PRDM2: variants seen among roughly 807,000 people sequenced by gnomAD.
PRDM2 encodes the protein PR/SET domain 2.
In PRDM2, 30 loss-of-function variants were observed where a neutral mutation model predicts 130.0. The observed-to-expected ratio is 0.23, with a 90% CI of 0.17 to 0.31. The LOEUF (loss-of-function observed/expected upper bound fraction) is 0.31. Ranked by LOEUF, PRDM2 falls within the 10% of genes least tolerant of loss-of-function variation. The pLI, the probability that PRDM2 is intolerant of heterozygous loss-of-function variation, is 1.00. For synonymous variants in PRDM2, 871 were observed against 782.4 expected (o/e 1.11, Z -1.89); for missense variants, 2,011 against 2,108.4 (o/e 0.95, Z 0.90).
intron 8 of PRDM2, 133 bp downstream of exon 8, chr1:13,782,964 A>C: frequency 6.6e-7 from 1 of 1,526,624 alleles, no homozygotes; most frequent in Non-Finnish European, 8.8e-7. Context: ...GTATAAGTTA[A>C]AGGCATGAAG....
At position 13,824,938 on chromosome 1, in the gene PRDM2, A is replaced by G. The variant is rs947307417; in HGVS notation, c.*1803A>G. 1 of 152,656 alleles carries G rather than the reference A, an allele frequency of 6.6e-6. No individual in the cohort carries two copies. The highest frequency in any genetic ancestry group is 2.4e-5 in the African/African-American group (1 of 41,458). The allele number at this position is 152,656 out of a possible 1,614,324, so 9.5% of individuals were successfully genotyped here. A position where few individuals can be genotyped will look rare whatever the true frequency, so the allele number is the denominator to read the frequency against. Reference sequence around the variant, plus strand: ...TTCAACGCTCCCAGACGGTCAGGAAAACTGTTCCAATCATGAAAAGGGGGG... The same window carrying G: ...TTCAACGCTCCCAGACGGTCAGGAAGACTGTTCCAATCATGAAAAGGGGGG... On this transcript the variant is annotated 3_prime_UTR_variant, in exon 10 of 10. Transcript: ENST00000311066.
chr1:13,772,035 C>T (rs1644371382), intron 6 of PRDM2: 1 of 152,076 alleles, frequency 6.6e-6, no homozygotes, highest in African/African-American at 2.4e-5. Context: ...AGCTTTAAGT[C>T]GTTTTTAGTT....
At position 13,803,699 on chromosome 1, in the gene PRDM2, G is replaced by C. The variant is rs76215960; in HGVS notation, c.5037-12728G>C. Among the ~76,000 whole-genome samples, 1 of 152,168 alleles carries C rather than the reference G, an allele frequency of 6.6e-6. No individual in the cohort carries two copies. The highest frequency in any genetic ancestry group is 1.9e-4 in the East Asian group (1 of 5,176). On this transcript the variant is annotated intron_variant, in intron 8 of 9. Coordinates refer to ENST00000311066, the MANE Select transcript of PRDM2 (RefSeq NM_001393986.1). This position sits in a 1 kb window ranked among gnomAD's most constrained non-coding sequence, Gnocchi z 6.2. Reference sequence around the variant, plus strand: ...AGCAAAAGAGGCAGCCACAGCCGGGGGCTTTCCCCGCGGGCAGGTTCTCCG... The same window carrying C: ...AGCAAAAGAGGCAGCCACAGCCGGGCGCTTTCCCCGCGGGCAGGTTCTCCG...
rs1299360113 is a variant in PRDM2, at chr1:13,716,137, C to A, written c.9+523C>A. On this transcript the variant is annotated intron_variant, in intron 2 of 9. Transcript: ENST00000311066. The stretch of plus-strand genomic sequence containing the variant: ...ATGCAGCCATAAAAAATGATGAGTT[C>A]ATGTCCTTTGTAGGGACATGGATGA... Among the ~76,000 whole-genome samples, 4 of 151,950 alleles carry A rather than the reference C, an allele frequency of 2.6e-5. No homozygotes were observed. In the East Asian group the frequency reaches 7.7e-4, roughly 29 times the overall value.
intron 6 of PRDM2, among the ~76,000 whole-genome samples, 161 bp from the exon 7 acceptor site, chr1:13,772,917 C>G (rs1354578911): frequency 1.2e-4 from 18 of 152,062 alleles, no homozygotes; most frequent in Admixed American, 1.1e-3. Context: ...ATCATTCATT[C>G]CTTTCTTTAG....
chr1:13,729,983 G>A (rs1370185323), intron 2 of PRDM2, among the ~76,000 whole-genome samples: 1 of 152,194 alleles, frequency 6.6e-6, no homozygotes, highest in Non-Finnish European at 1.5e-5. Context: ...ATATATTCTT[G>A]AAGACGACAA....
At chr1:13,733,539 A>G (rs917864251) in intron 4 of PRDM2, among the ~76,000 whole-genome samples, 4 of 152,212 alleles carry the variant, frequency 2.6e-5, no homozygotes, top group Non-Finnish European at 5.9e-5. Flanking sequence ...GAGGCAGTTA[A>G]GGTTTTCATT....
chr1:13,812,650 C>T lies in PRDM2; in HGVS notation c.5037-3777C>T, dbSNP rs763418191. Among the ~76,000 whole-genome samples, 8 of 152,104 alleles carry T rather than the reference C, an allele frequency of 5.3e-5. No individual in the cohort carries two copies. In the South Asian group the frequency reaches 6.2e-4, roughly 12 times the overall value. ...AGGGGCCCGGCAGGCAGTGGGTGTG[C>T]GGGTCTGGAGCCCTGCCCAGGAGTT... On this transcript the variant is annotated intron_variant, in intron 8 of 9. Transcript: ENST00000311066.
chr1:13,816,304 A>C (rs1210803104), intron 8 of PRDM2, 123 bp from the exon 9 acceptor site: 10 of 1,277,308 alleles, frequency 7.8e-6, no homozygotes, highest in Non-Finnish European at 9.8e-6. Flanking sequence ...CAAGGTGTCC[A>C]GGAAGTGCAA....
chr1:13,782,546 T>A lies in PRDM2; in HGVS notation c.4751T>A (p.Ile1584Lys), dbSNP rs1427239299. Residue 1584 changes from isoleucine to lysine, a missense_variant, in exon 8 of 10, where the codon ATA becomes AAA. Coordinates refer to ENST00000311066, the MANE Select transcript of PRDM2 (RefSeq NM_001393986.1). ...TCCAGCCCGATAAGAATGGCCAAAATAACTCATGTTGAGGGGAAAAAACCT... is the reference window on the plus strand; with the variant it reads ...TCCAGCCCGATAAGAATGGCCAAAAAAACTCATGTTGAGGGGAAAAAACCT... ...RNSSPIRMAK[I>K]THVEGKKPKA... 1.2e-6 allele frequency: 2 copies of A among 1,614,120 alleles called. No homozygotes were observed. Among genetic ancestry groups the A allele is most frequent in the Admixed American group, 1.7e-5 (1 of 60,024 alleles).
At chr1:13,719,131 A>C (rs1337455111) in intron 2 of PRDM2, among the ~76,000 whole-genome samples, 1 of 152,200 alleles carries the variant, frequency 6.6e-6, no homozygotes. Context: ...TCTTGTTATA[A>C]AGGATGATGG....
Position 13,782,780 on chromosome 1 carries a change from G to A in PRDM2, c.4985G>A (p.Ser1662Asn). ...CAGCTGGCAGCTGCTGCTGACTTGA[G>A]TGAGAACAAGAGAGAGGACGGCAGC... Reference protein sequence around the residue: ...SLQLAAAADLSENKREDGSAK... With the variant: ...SLQLAAAADLNENKREDGSAK... Residue 1662 changes from serine to asparagine, a missense_variant, in exon 8 of 10, where the codon AGT becomes AAT. By Grantham distance (46) the Ser-to-Asn change is conservative (BLOSUM62 1). This residue lies in a region of PRDM2 where 410 missense variants were observed against 395.9 expected (regional missense o/e 1.04). Transcript: ENST00000311066. 2 of 1,611,400 alleles carry A rather than the reference G, an allele frequency of 1.2e-6. No individual in the cohort carries two copies. The highest frequency in any genetic ancestry group is 1.7e-6 in the Non-Finnish European group (2 of 1,179,256).
intron 8 of PRDM2, among the ~76,000 whole-genome samples, chr1:13,801,831 C>T (rs952210464): frequency 6.6e-6 from 1 of 152,214 alleles, no homozygotes; most frequent in Non-Finnish European, 1.5e-5. Flanking sequence ...ATTCCACATG[C>T]GCCACCTGGC....
chr1:13,782,771 C>T lies in PRDM2; in HGVS notation c.4976C>T (p.Ala1659Val), dbSNP rs1644646118. The T allele has an allele frequency of 1.2e-6, 2 of 1,611,702 alleles. No homozygotes were observed. The highest frequency in any genetic ancestry group is 1.1e-5 in the South Asian group (1 of 90,820). ...VTRSLQLAAA[A>V]DLSENKREDG... ...CGGAGCCTTCAGCTGGCAGCTGCTG[C>T]TGACTTGAGTGAGAACAAGAGAGAG... is the stretch of plus-strand genomic sequence containing the variant. Residue 1659 changes from alanine to valine, a missense_variant, in exon 8 of 10, where the codon GCT (alanine) becomes GTT (valine). Ala to Val is a moderately conservative substitution (Grantham distance 64, BLOSUM62 0). Transcript: ENST00000311066.
rs575349976 is a variant in PRDM2, at chr1:13,767,244, A to G, written c.512-5834A>G. Among the ~76,000 whole-genome samples the G allele has an allele frequency of 2.0e-5, 3 of 152,294 alleles. No homozygotes were observed. In the East Asian group the frequency reaches 5.8e-4, roughly 29 times the overall value. ...GGCACAGGATAAAATAGAAATAAAA[A>G]AAAGCATTCCAATTTGATTGTTGCT... On this transcript the variant is annotated intron_variant, in intron 6 of 9. Transcript: ENST00000311066.
intron 5 of PRDM2, among the ~76,000 whole-genome samples, chr1:13,744,203 T>C (rs1415304837): frequency 6.6e-6 from 1 of 152,210 alleles, no homozygotes; most frequent in East Asian, 1.9e-4. Flanking sequence ...CAAGATAGAA[T>C]AGTGGTTAGG....
Position 13,780,925 on chromosome 1 carries a change from G to A in PRDM2, c.3130G>A (p.Ala1044Thr), listed in dbSNP as rs763316339. Residue 1044 changes from alanine (A) to threonine (T), a missense_variant, in exon 8 of 10, where the codon GCC becomes ACC. Coordinates refer to ENST00000311066, the MANE Select transcript of PRDM2 (RefSeq NM_001393986.1). ...IPPVEPLMSA[A>T]SPGPPTLSSS... is the part of the protein sequence containing the mutation. ...TCCCGTGGAGCCCCTGATGTCTGCC[G>A]CCTCACCCGGGCCTCCAACACTTTC... 2.3e-5 allele frequency: 37 copies of A among 1,611,812 alleles called. No homozygotes were observed. The highest frequency in any genetic ancestry group is 1.6e-4 in the Middle Eastern group (1 of 6,080).
rs1466677833 is a variant in PRDM2, at chr1:13,806,734, C to T, written c.5037-9693C>T. Among the ~76,000 whole-genome samples the T allele has an allele frequency of 6.6e-6, 1 of 152,194 alleles. No individual in the cohort carries two copies. Among genetic ancestry groups the T allele is most frequent in the Non-Finnish European group, 1.5e-5 (1 of 68,034 alleles). ...GTCCCCAGTTCCTTCCCTGTCAACC[C>T]ACGGTCTGTGCCCAGCACAGCAGCC... On this transcript the variant is annotated intron_variant, in intron 8 of 9. Transcript: ENST00000311066. The surrounding 1 kb of genome is among the most constrained non-coding windows in gnomAD (Gnocchi z 4.1).
intron 1 of PRDM2, among the ~76,000 whole-genome samples, chr1:13,713,675 G>C (rs942234139): frequency 1.3e-5 from 2 of 152,188 alleles, no homozygotes; most frequent in African/African-American, 4.8e-5. Context: ...CCCTGAGCCA[G>C]TGTTAATAAA....
Sources: gnomAD v4.1 joint callset for allele counts (sites outside exome capture counted in the v4.1 genomes callset) on GRCh38, gnomAD v4.1.1 for gene constraint, gnomAD v4.1.1 regional missense constraint, Gnocchi (gnomAD v3.1) non-coding constraint, MANE v1.5 for transcripts, NCBI Gene and HGNC (gene_info 2026-07-23, HGNC 2026-07-21) for gene names.